Variants in GALNT17 observed in about 807,000 individuals in gnomAD.
The protein encoded by GALNT17 is UDP-GalNAc:polypeptide N-acetylgalactosaminyltransferase-like 3.
Under a neutral mutation model 63.7 loss-of-function variants are expected in GALNT17, and 29 were observed. The ratio of observed to expected loss-of-function variants is 0.46; its 90% CI spans 0.34 to 0.62. The LOEUF (loss-of-function observed/expected upper bound fraction) is 0.62, where lower values mean the gene tolerates loss of function less well. Among genes scored for constraint, GALNT17 ranks in the 20% least tolerant of loss-of-function variants. The pLI is 0.01. For synonymous variants in GALNT17, 305 were observed against 318.3 expected (o/e 0.96, Z 0.45); for missense variants, 603 against 799.6 (o/e 0.75, Z 2.97).
In GALNT17 at chr7:71,256,553, C is replaced by T. The variant is rs189363166; in HGVS notation, c.239-78997C>T. 5.3e-5 allele frequency among the ~76,000 whole-genome samples: 8 copies of T among 152,194 alleles called. No individual in the cohort carries two copies. The East Asian group carries it at 1.6e-3, about 30-fold the overall frequency. On this transcript the variant is annotated intron_variant, in intron 1 of 10. Coordinates refer to ENST00000333538, the MANE Select transcript of GALNT17 (RefSeq NM_022479.3). ...CACCACTGCACTCCAGCCTGGGCGA[C>T]AGAGTGAGACTCCGTCTCAAAAAAA...
intron 1 of GALNT17, among the ~76,000 whole-genome samples, chr7:71,228,903 CT>C (rs577786838): frequency 0.017 from 2,564 of 151,380 alleles, 28 homozygotes; most frequent in Middle Eastern, 0.034. Flanking sequence ...GTCGTTAGCC[CT>C]TTTTTTTTCC....
chr7:71,168,239 T>TA (rs1788481127), intron 1 of GALNT17, among the ~76,000 whole-genome samples: 1 of 152,170 alleles, frequency 6.6e-6, no homozygotes. Context: ...AGAAGTCTTG[T>TA]AATCAGGTAA....
intron 1 of GALNT17, among the ~76,000 whole-genome samples, chr7:71,257,935 C>T (rs1562952519): frequency 6.6e-6 from 1 of 152,214 alleles, no homozygotes; most frequent in Non-Finnish European, 1.5e-5. Flanking sequence ...GACCATGTGA[C>T]ACCATGAGCC....
intron 5 of GALNT17, among the ~76,000 whole-genome samples, chr7:71,432,577 C>A (rs1355905370): frequency 6.6e-6 from 1 of 152,202 alleles, no homozygotes; most frequent in East Asian, 1.9e-4. Context: ...GGGGTTTAGA[C>A]AACCCAAGCC....
chr7:71,248,842 C>A (rs1397303417), intron 1 of GALNT17, among the ~76,000 whole-genome samples: 9 of 152,190 alleles, frequency 5.9e-5, no homozygotes, highest in Admixed American at 5.9e-4. Context: ...TTGTCATAGT[C>A]ACTCAGAGCA....
chr7:71,470,736 G>T (rs534814492), intron 5 of GALNT17, among the ~76,000 whole-genome samples: 1 of 152,184 alleles, frequency 6.6e-6, no homozygotes, highest in East Asian at 1.9e-4. Flanking sequence ...TTTGATTTTT[G>T]TATTTTAGAG....
chr7:71,268,769 T>G (rs1790535627), intron 1 of GALNT17, among the ~76,000 whole-genome samples: 1 of 151,978 alleles, frequency 6.6e-6, no homozygotes, highest in Non-Finnish European at 1.5e-5. Context: ...TTCTCTGGAC[T>G]TGGAGGAGCC....
At chr7:71,162,087 TCCTCCCTCCCTCCCTTCCTTCCTC>T (rs1302821194) in intron 1 of GALNT17, among the ~76,000 whole-genome samples, 1 of 99,384 alleles carries the variant, frequency 1.0e-5, no homozygotes, top group East Asian at 3.1e-4. Context: ...CTTCTTTCCT[TCCTCCCTCCCTCCCTTCCTTCCTC>T]CCTCCCTCCC....
At chr7:71,292,664 AGAGAGTGTGTGTGTGT>A (rs1410099530) in intron 1 of GALNT17, among the ~76,000 whole-genome samples, 20 of 114,250 alleles carry the variant, frequency 1.8e-4, no homozygotes, top group South Asian at 1.2e-3. Context: ...AGAGAGAGAG[AGAGAGTGTGTGTGTGT>A]GTGTGTGTGT....
At chr7:71,295,379 G>A (rs1221883592) in intron 1 of GALNT17, among the ~76,000 whole-genome samples, 1 of 152,080 alleles carries the variant, frequency 6.6e-6, no homozygotes, top group African/African-American at 2.4e-5. Context: ...TTGTCTAGGA[G>A]GGTGAGGCAG....
chr7:71,340,163 A>G (rs533309443), intron 2 of GALNT17, among the ~76,000 whole-genome samples: 12 of 152,242 alleles, frequency 7.9e-5, no homozygotes, highest in African/African-American at 2.6e-4. Context: ...GGGGGAGGGG[A>G]GCAGATTTGA....
At chr7:71,702,093 A>G (rs2117117002) in intron 9 of GALNT17, among the ~76,000 whole-genome samples, 1 of 151,890 alleles carries the variant, frequency 6.6e-6, no homozygotes, top group South Asian at 2.1e-4. Flanking sequence ...AACATTGGAC[A>G]TAGAAATGGA....
chr7:71,405,491 C>T (rs564608530), intron 3 of GALNT17, among the ~76,000 whole-genome samples: 1 of 152,234 alleles, frequency 6.6e-6, no homozygotes, highest in South Asian at 2.1e-4. Flanking sequence ...AAATATTAGC[C>T]AGGCATAGTG....
At chr7:71,545,376 A>G (rs943991228) in intron 5 of GALNT17, among the ~76,000 whole-genome samples, 1 of 152,054 alleles carries the variant, frequency 6.6e-6, no homozygotes, top group Non-Finnish European at 1.5e-5. Flanking sequence ...TGTTTTTGAC[A>G]AAGTCTTGCT....
At chr7:71,566,022 T>A (rs1238046392) in intron 5 of GALNT17, among the ~76,000 whole-genome samples, 2 of 66,802 alleles carry the variant, frequency 3.0e-5, no homozygotes, top group African/African-American at 1.1e-4. Context: ...TTTGTGGGTT[T>A]TGTTTGTTTG....
intron 2 of GALNT17, among the ~76,000 whole-genome samples, chr7:71,359,931 G>A (rs907412108): frequency 1.3e-5 from 2 of 152,152 alleles, no homozygotes; most frequent in African/African-American, 4.8e-5. Flanking sequence ...CAGATGAGAT[G>A]TGGTCTCCAC....
At chr7:71,315,568 A>G (rs919057814) in intron 1 of GALNT17, among the ~76,000 whole-genome samples, 4 of 152,218 alleles carry the variant, frequency 2.6e-5, no homozygotes, top group Non-Finnish European at 5.9e-5. Flanking sequence ...TGTGCCTTCC[A>G]TTATATGGGC....
chr7:71,345,149 T>G (rs1044691380), intron 2 of GALNT17, among the ~76,000 whole-genome samples: 1,383 of 58,298 alleles, frequency 0.024, 16 homozygotes, highest in Non-Finnish European at 0.031. Context: ...TGTTTTTTGT[T>G]TTTTTTTTTT....
intron 5 of GALNT17, among the ~76,000 whole-genome samples, chr7:71,473,083 G>C (rs543014325): frequency 6.6e-6 from 1 of 152,350 alleles, no homozygotes; most frequent in South Asian, 2.1e-4. Context: ...GTGTGAGGGA[G>C]TTGGGGCTGG....
Sources: gnomAD v4.1 joint callset for allele counts (sites outside exome capture counted in the v4.1 genomes callset) on GRCh38, gnomAD v4.1.1 for gene constraint, MANE v1.5 for transcripts, NCBI Gene and HGNC (gene_info 2026-07-23, HGNC 2026-07-21) for gene names.